MYD88: variants seen among roughly 807,000 people sequenced by gnomAD.
The protein encoded by MYD88 is MYD88 innate immune signal transduction adaptor.
Under a neutral mutation model 31.1 loss-of-function variants are expected in MYD88, and 15 were observed. The ratio of observed to expected loss-of-function variants is 0.48; its 90% CI spans 0.32 to 0.74. The LOEUF (loss-of-function observed/expected upper bound fraction) is 0.74, where lower values mean the gene tolerates loss of function less well. MYD88 is among the 30% of genes least tolerant of loss of function. The probability of loss-of-function intolerance (pLI) is 0.03; values close to 1 mark genes in which losing one functional copy is unlikely to be tolerated. For synonymous variants in MYD88, 157 were observed against 158.8 expected, an observed-to-expected ratio of 0.99 and a Z score of 0.08; for missense variants, 308 against 387.4, an observed-to-expected ratio of 0.79 and a Z score of 1.72.
Position 38,142,696 on chromosome 3 carries a change from C to T in MYD88, c.*1410C>T, listed in dbSNP as rs530686024. On this transcript the variant is annotated 3_prime_UTR_variant, in exon 5 of 5. Coordinates refer to ENST00000650905, the MANE Select transcript of MYD88 (RefSeq NM_002468.5). ...TTAGGTGTCTGTGCCCCAGGACAGA[C>T]CCTAGGACCCTAAATCCAATAGAAA... 4.3e-6 allele frequency: 1 copy of T among 233,150 alleles called. No homozygotes were observed. Among genetic ancestry groups the T allele is most frequent in the Admixed American group, 5.6e-5 (1 of 17,782 alleles). 14.4% of individuals were successfully genotyped at this position (233,150 alleles called of 1,614,324 possible). A position where few individuals can be genotyped will look rare whatever the true frequency, so the allele number is the denominator to read the frequency against.
At position 38,140,507 on chromosome 3, in the gene MYD88, G is replaced by C. The variant is rs2125778692; in HGVS notation, c.583G>C (p.Asp195His). ...TNYRLKLCVS[D>H]RDVLPGTCVW... ...CTATCGACTGAAGTTGTGTGTGTCTGACCGCGATGTCCTGCCTGGCACCTG... is the reference window on the plus strand; with the variant it reads ...CTATCGACTGAAGTTGTGTGTGTCTCACCGCGATGTCCTGCCTGGCACCTG... The change falls in exon 3 of 5, where the codon GAC becomes CAC. Residue 195 changes from aspartate to histidine, a missense_variant. Asp to His is a moderately conservative substitution (Grantham distance 81). Coordinates refer to ENST00000650905, the MANE Select transcript of MYD88 (RefSeq NM_002468.5). The C allele has an allele frequency of 6.2e-7, 1 of 1,614,240 alleles. No homozygotes were observed. Among genetic ancestry groups the C allele is most frequent in the South Asian group, 1.1e-5 (1 of 91,082 alleles).
intron 2 of MYD88, 87 bp from the exon 3 acceptor site, chr3:38,140,301 G>T: frequency 6.8e-7 from 1 of 1,463,860 alleles, no homozygotes. Flanking sequence ...GCAGGGCCCA[G>T]GGTTGCCTAG....
chr3:38,141,813 T>TCTGCA lies in MYD88; in HGVS notation c.*529_*533dup, dbSNP rs1172230725. The TCTGCA allele has an allele frequency of 3.4e-6, 1 of 293,086 alleles. No individual in the cohort carries two copies. Among genetic ancestry groups the TCTGCA allele is most frequent in the African/African-American group, 2.1e-5 (1 of 47,846 alleles). 18.2% of individuals were successfully genotyped at this position (293,086 alleles called of 1,614,324 possible). On this transcript the variant is annotated 3_prime_UTR_variant, in exon 5 of 5. Coordinates refer to ENST00000650905, the MANE Select transcript of MYD88 (RefSeq NM_002468.5). ...TGATGCCTACTGATGCTTCAGTGCC[T>TCTGCA]CTGCACACCGCCCATTCCACTTCCT...
At chr3:38,140,639 T>A (rs777083461) in intron 3 of MYD88, 71 bp downstream of exon 3, 1 of 1,603,192 alleles carries the variant, frequency 6.2e-7, no homozygotes, top group Non-Finnish European at 8.5e-7. Flanking sequence ...ATACTGGGCA[T>A]CTCCTCCTAG....
chr3:38,140,282 G>A, intron 2 of MYD88, 106 bp from the exon 3 acceptor site: 2 of 1,292,556 alleles, frequency 1.5e-6, no homozygotes, highest in Non-Finnish European at 2.2e-6. Flanking sequence ...GTATCATCTT[G>A]GGAAGGGTGC....
rs769603163 is a variant in MYD88 at position 38,140,755 on chromosome 3, AG to A, written c.645del. 2 of 1,614,154 alleles carry A rather than the reference AG, an allele frequency of 1.2e-6. No homozygotes were observed. The highest frequency in any genetic ancestry group is 2.2e-5 in the South Asian group (2 of 91,082). On this transcript the variant is annotated splice_acceptor_variant, in intron 3 of 4. Transcript: ENST00000650905. LOFTEE classifies it high-confidence loss of function. ...ACCTGCAGCCTGCCCACTCTCCCCT[AG>A]GTGCCGCCGGATGGTGGTGGTTGTC...
rs757472126 is a variant in MYD88, at chr3:38,141,775, G to A, written c.*489G>A. 39 of 333,906 alleles carry A rather than the reference G, an allele frequency of 1.2e-4. No homozygotes were observed. The highest frequency in any genetic ancestry group is 6.7e-4 in the Admixed American group (15 of 22,518). 20.7% of individuals were successfully genotyped at this position (333,906 alleles called of 1,614,324 possible). A position where few individuals can be genotyped will look rare whatever the true frequency, so the allele number is the denominator to read the frequency against. On this transcript the variant is annotated 3_prime_UTR_variant, in exon 5 of 5. Coordinates refer to ENST00000650905, the MANE Select transcript of MYD88 (RefSeq NM_002468.5). ...CTGTGACCACGACACTGCTGGGGCA[G>A]CTTCTTCCACAGTGATGCCTACTGA...
chr3:38,138,695 C>A lies in MYD88; in HGVS notation c.-6C>A. 1 of 1,598,042 alleles carries A rather than the reference C, an allele frequency of 6.3e-7. No individual in the cohort carries two copies. The highest frequency in any genetic ancestry group is 1.7e-5 in the Admixed American group (1 of 59,540). Reference sequence around the variant, plus strand: ...CGACCGCGCTGAGGCTCCAGGACCGCCCGCCATGGCTGCAGGAGGTCCCGG... The same window carrying A: ...CGACCGCGCTGAGGCTCCAGGACCGACCGCCATGGCTGCAGGAGGTCCCGG... On this transcript the variant is annotated 5_prime_UTR_variant, in exon 1 of 5. Coordinates refer to ENST00000650905, the MANE Select transcript of MYD88 (RefSeq NM_002468.5). The surrounding 1 kb of genome is among the most constrained non-coding windows in gnomAD (Gnocchi z 6.4).
Position 38,139,538 on chromosome 3 carries a change from G to A in MYD88, c.329-326G>A, listed in dbSNP as rs1701023605. The stretch of plus-strand genomic sequence containing the variant: ...CTCCTGAGCCTTTCTGGCATGCCCA[G>A]CCCCTTGCTCACATCTGCCCTGGAT... On this transcript the variant is annotated intron_variant, in intron 1 of 4. Coordinates refer to ENST00000650905, the MANE Select transcript of MYD88 (RefSeq NM_002468.5). This position sits in a 1 kb window ranked among gnomAD's most constrained non-coding sequence, Gnocchi z 4.7. 1 of 450,208 alleles carries A rather than the reference G, an allele frequency of 2.2e-6. No homozygotes were observed. Among genetic ancestry groups the A allele is most frequent in the African/African-American group, 2.0e-5 (1 of 50,618 alleles). The allele number at this position is 450,208 out of a possible 1,614,324, so 27.9% of individuals were successfully genotyped here.
In MYD88 at chr3:38,139,132, G is replaced by A. The variant is rs1381956609; in HGVS notation, c.328+104G>A. 4 of 1,427,334 alleles carry A rather than the reference G, an allele frequency of 2.8e-6. No homozygotes were observed. Among genetic ancestry groups the A allele is most frequent in the South Asian group, 2.8e-5 (2 of 70,600 alleles). The allele number at this position is 1,427,334 out of a possible 1,614,324, so 88.4% of individuals were successfully genotyped here. On this transcript the variant is annotated intron_variant, in intron 1 of 4. Transcript: ENST00000650905. The surrounding 1 kb of genome is among the most constrained non-coding windows in gnomAD (Gnocchi z 4.7). ...ATGGAGAGACCCCATTTCCTGCCTC[G>A]GGGGCCCGAAGAAGCCTGCAGAGGG...
chr3:38,140,031 T>A (rs752050844), intron 2 of MYD88, 33 bp downstream of exon 2: 4 of 1,610,946 alleles, frequency 2.5e-6, no homozygotes, highest in East Asian at 4.5e-5. Flanking sequence ...ATGGGACAGG[T>A]GGAATAGGAC....
Position 38,141,693 on chromosome 3 carries a change from G to T in MYD88, c.*407G>T. On this transcript the variant is annotated 3_prime_UTR_variant, in exon 5 of 5. Transcript: ENST00000650905. ...AAGCATAGCTCTGGGTCTCCTGGGGGAGACCAGGCTTGGCTGCGGGAGAGC... is the reference window on the plus strand; with the variant it reads ...AAGCATAGCTCTGGGTCTCCTGGGGTAGACCAGGCTTGGCTGCGGGAGAGC... 2.4e-6 allele frequency: 1 copy of T among 409,744 alleles called. No homozygotes were observed. The highest frequency in any genetic ancestry group is 4.6e-6 in the Non-Finnish European group (1 of 217,630). The allele number at this position is 409,744 out of a possible 1,614,324, so 25.4% of individuals were successfully genotyped here. A position where few individuals can be genotyped will look rare whatever the true frequency, so the allele number is the denominator to read the frequency against.
chr3:38,140,898 G>T, intron 4 of MYD88, 50 bp downstream of exon 4: 1 of 1,566,086 alleles, frequency 6.4e-7, no homozygotes, highest in Non-Finnish European at 8.8e-7. Context: ...TGTAGGTGGG[G>T]CCTCTGGATT....
In MYD88 at chr3:38,141,888, C is replaced by G. The variant is rs56269210; in HGVS notation, c.*602C>G. On this transcript the variant is annotated 3_prime_UTR_variant, in exon 5 of 5. Coordinates refer to ENST00000650905, the MANE Select transcript of MYD88 (RefSeq NM_002468.5). ...AGCAGTTTGGCCCAGCCCAAGGAGA[C>G]CCCACCTTGAGCCTTATTTCCTAAT... 449 of 255,474 alleles carry G rather than the reference C, an allele frequency of 1.8e-3. 2 individuals are homozygous for G. The highest frequency in any genetic ancestry group is 2.4e-3 in the Non-Finnish European group (318 of 129,952). The allele number at this position is 255,474 out of a possible 1,614,324, so 15.8% of individuals were successfully genotyped here. A position where few individuals can be genotyped will look rare whatever the true frequency, so the allele number is the denominator to read the frequency against.
rs773200667 is a variant in MYD88 at position 38,138,947 on chromosome 3, G to A, written c.247G>A (p.Gly83Ser). ...RLLDAWQGRP[G>S]ASVGRLLELL... ...GCTGGACGCCTGGCAGGGACGCCCT[G>A]GCGCCTCTGTAGGCCGACTGCTCGA... Residue 83 changes from glycine to serine, a missense_variant, in exon 1 of 5, where the codon GGC becomes AGC. Gly to Ser is a moderately conservative substitution (Grantham distance 56). Coordinates refer to ENST00000650905, the MANE Select transcript of MYD88 (RefSeq NM_002468.5). The surrounding 1 kb of genome is among the most constrained non-coding windows in gnomAD (Gnocchi z 6.4). 1.9e-6 allele frequency: 3 copies of A among 1,610,786 alleles called. No homozygotes were observed. Among genetic ancestry groups the A allele is most frequent in the African/African-American group, 2.7e-5 (2 of 74,944 alleles).
In MYD88 at chr3:38,142,400, C is replaced by T; in HGVS notation, c.*1114C>T. 4.3e-6 allele frequency: 1 copy of T among 233,264 alleles called. No homozygotes were observed. The highest frequency in any genetic ancestry group is 8.5e-6 in the Non-Finnish European group (1 of 118,070). 14.4% of individuals were successfully genotyped at this position (233,264 alleles called of 1,614,324 possible). On this transcript the variant is annotated 3_prime_UTR_variant, in exon 5 of 5. Transcript: ENST00000650905. ...CCAGGAACAGCTAGGTGGGAAAGTC[C>T]CATCACTGAGGGAGCCTAACCATGT...
rs929732833 is a variant in MYD88, at chr3:38,138,949, C to T, written c.249C>T (p.Gly83=). 6.2e-7 allele frequency: 1 copy of T among 1,610,668 alleles called. No individual in the cohort carries two copies. ...TGGACGCCTGGCAGGGACGCCCTGG[C>T]GCCTCTGTAGGCCGACTGCTCGAGC... is the stretch of plus-strand genomic sequence containing the variant. ...RLLDAWQGRP[G]ASVGRLLELL... is the part of the protein sequence containing the mutation. The change falls in exon 1 of 5, where the codon GGC becomes GGT. Residue 83 remains glycine (G), a synonymous_variant. Coordinates refer to ENST00000650905, the MANE Select transcript of MYD88 (RefSeq NM_002468.5). The surrounding 1 kb of genome is among the most constrained non-coding windows in gnomAD (Gnocchi z 6.4).
Position 38,139,077 on chromosome 3 carries a change from A to G in MYD88, c.328+49A>G, listed in dbSNP as rs1445306919. ...TCGTACCTGGGGGGTGAGGAGGCTG[A>G]CTTTCCGCGGCCTCAGCATCCTGTC... On this transcript the variant is annotated intron_variant, in intron 1 of 4. Coordinates refer to ENST00000650905, the MANE Select transcript of MYD88 (RefSeq NM_002468.5). This position sits in a 1 kb window ranked among gnomAD's most constrained non-coding sequence, Gnocchi z 4.7. 1 of 1,574,794 alleles carries G rather than the reference A, an allele frequency of 6.4e-7. No individual in the cohort carries two copies. The highest frequency in any genetic ancestry group is 1.1e-5 in the South Asian group (1 of 88,510).
intron 3 of MYD88, 30 bp from the exon 4 acceptor site, chr3:38,140,727 A>G (rs2125779311): frequency 1.2e-6 from 2 of 1,610,068 alleles, no homozygotes; most frequent in Non-Finnish European, 1.7e-6. Context: ...AAGTTGCCAC[A>G]GGACCTGCAG....
Sources: allele counts gnomAD v4.1 joint callset, GRCh38; gene constraint gnomAD v4.1.1; non-coding constraint Gnocchi (gnomAD v3.1); transcripts MANE v1.5; gene names NCBI Gene and HGNC (gene_info 2026-07-23, HGNC 2026-07-21).